The following PTPRM variants were observed in gnomAD, a reference collection of about 807,000 sequenced individuals.
PTPRM encodes the protein receptor-type tyrosine-protein phosphatase mu.
In PTPRM, 47 loss-of-function variants were observed where a neutral mutation model predicts 186.7. That is an observed-to-expected ratio of 0.25 (90% CI 0.20 to 0.32). The LOEUF is 0.32. Among genes scored for constraint, PTPRM ranks in the 10% least tolerant of loss-of-function variants. The pLI is 1.00. For missense variants in PTPRM, 1,494 were observed against 1,865.0 expected, an observed-to-expected ratio of 0.80 and a Z score of 3.66; for synonymous variants, 668 against 674.9, an observed-to-expected ratio of 0.99 and a Z score of 0.16.
chr18:7,735,489 G>T (rs1568063168), intron 1 of PTPRM, among the ~76,000 whole-genome samples: 1 of 152,052 alleles, frequency 6.6e-6, no homozygotes, highest in Non-Finnish European at 1.5e-5. Context: ...CATAGTCTTT[G>T]TACCAAATTC....
intron 14 of PTPRM, among the ~76,000 whole-genome samples, chr18:8,240,842 GA>G (rs369739295): frequency 0.25 from 29,986 of 120,180 alleles, 4,198 homozygotes; most frequent in African/African-American, 0.36. Flanking sequence ...AAGAAAGAAA[GA>G]AAAGAAAGAA....
intron 7 of PTPRM, among the ~76,000 whole-genome samples, chr18:8,054,662 A>C (rs1455166671): frequency 6.6e-6 from 1 of 151,968 alleles, no homozygotes. Context: ...TCGGCAGTCT[A>C]ATTCTGTATA....
chr18:8,146,186 G>A (rs970976283), intron 14 of PTPRM, among the ~76,000 whole-genome samples: 1 of 151,898 alleles, frequency 6.6e-6, no homozygotes, highest in African/African-American at 2.4e-5. Context: ...ATGCCACCAC[G>A]CTAATTTTTG....
intron 6 of PTPRM, among the ~76,000 whole-genome samples, chr18:7,954,005 G>A (rs927369749): frequency 6.6e-6 from 1 of 152,150 alleles, no homozygotes; most frequent in African/African-American, 2.4e-5. Context: ...CTAGATTTAT[G>A]TTTTTCTGAG....
chr18:8,279,844 C>T (rs551430754), intron 19 of PTPRM, among the ~76,000 whole-genome samples: 9 of 152,278 alleles, frequency 5.9e-5, no homozygotes, highest in East Asian at 1.9e-4. Context: ...CTTTCTGCTT[C>T]GTTTACTCCA....
intron 32 of PTPRM, among the ~76,000 whole-genome samples, chr18:8,400,647 C>T (rs879767150): frequency 2.3e-4 from 35 of 152,346 alleles, no homozygotes; most frequent in Admixed American, 7.8e-4. Context: ...CAGGCCCCAT[C>T]CTGATCTGCG....
chr18:8,037,154 G>T (rs1341908886), intron 7 of PTPRM, among the ~76,000 whole-genome samples: 1 of 152,092 alleles, frequency 6.6e-6, no homozygotes, highest in Non-Finnish European at 1.5e-5. Flanking sequence ...TATTTTTAGG[G>T]CTGTCTTCTC....
chr18:8,007,252 A>G (rs2084246124), intron 7 of PTPRM, among the ~76,000 whole-genome samples: 1 of 152,168 alleles, frequency 6.6e-6, no homozygotes, highest in Non-Finnish European at 1.5e-5. Flanking sequence ...CTACTAACAT[A>G]CGCTTCTCAA....
chr18:7,985,009 A>T (rs1254096487), intron 7 of PTPRM, among the ~76,000 whole-genome samples: 3 of 126,810 alleles, frequency 2.4e-5, no homozygotes, highest in Non-Finnish European at 4.6e-5. Flanking sequence ...AATTGTATAT[A>T]CATATAATTA....
Position 8,088,803 on chromosome 18 carries a change from C to A in PTPRM, c.1808C>A (p.Thr603Asn). The A allele has an allele frequency of 1.9e-6, 3 of 1,613,104 alleles. No homozygotes were observed. Among genetic ancestry groups the A allele is most frequent in the Non-Finnish European group, 2.5e-6 (3 of 1,179,318 alleles). Reference protein sequence around the residue: ...LETPLNQTDNTVTVMLKPAHS... With the variant: ...LETPLNQTDNNVTVMLKPAHS... ...ACACCTTTGAATCAAACTGACAATACCGTGACAGTCATGCTGAAACCTGCC... is the reference window on the plus strand; with the variant it reads ...ACACCTTTGAATCAAACTGACAATAACGTGACAGTCATGCTGAAACCTGCC... Residue 603 changes from threonine (T) to asparagine (N), a missense_variant, in exon 11 of 33, where the codon ACC becomes AAC. By Grantham distance (65) the Thr-to-Asn change is moderately conservative. Transcript: ENST00000580170.
chr18:7,748,700 G>A (rs1472405659), intron 1 of PTPRM, among the ~76,000 whole-genome samples: 1 of 152,182 alleles, frequency 6.6e-6, no homozygotes, highest in East Asian at 1.9e-4. Flanking sequence ...CAAAAGCCAA[G>A]TATAAATCCC....
chr18:8,314,894 T>C (rs2095297101), intron 21 of PTPRM, 37 bp downstream of exon 21: 3 of 1,328,668 alleles, frequency 2.3e-6, no homozygotes, highest in Non-Finnish European at 3.2e-6. Context: ...TATATAATTG[T>C]TGTACATATT....
At chr18:7,681,572 G>A (rs1283189791) in intron 1 of PTPRM, among the ~76,000 whole-genome samples, 1 of 151,136 alleles carries the variant, frequency 6.6e-6, no homozygotes, top group African/African-American at 2.4e-5. Context: ...AATTAAAGAG[G>A]TGTTAGATTC....
intron 7 of PTPRM, among the ~76,000 whole-genome samples, chr18:8,001,869 A>G (rs1226354718): frequency 6.6e-6 from 1 of 152,210 alleles, no homozygotes; most frequent in African/African-American, 2.4e-5. Flanking sequence ...TATTCTACCA[A>G]TGTTAAGACA....
At chr18:7,627,587 G>A (rs1376808200) in intron 1 of PTPRM, among the ~76,000 whole-genome samples, 3 of 152,176 alleles carry the variant, frequency 2.0e-5, no homozygotes, top group Non-Finnish European at 2.9e-5. Context: ...CTGCGGTGAG[G>A]CTCGGTTCAT....
chr18:7,851,782 C>T (rs2046873161), intron 2 of PTPRM, among the ~76,000 whole-genome samples: 1 of 152,042 alleles, frequency 6.6e-6, no homozygotes, highest in African/African-American at 2.4e-5. Flanking sequence ...AGGAGTATTG[C>T]TGGAGGTAAA....
chr18:8,230,145 C>T (rs567260540), intron 14 of PTPRM, among the ~76,000 whole-genome samples: 1 of 152,232 alleles, frequency 6.6e-6, no homozygotes, highest in Non-Finnish European at 1.5e-5. Flanking sequence ...TGATATAACC[C>T]CATGGTGTAA....
At chr18:7,653,470 C>T (rs2038772313) in intron 1 of PTPRM, among the ~76,000 whole-genome samples, 1 of 152,124 alleles carries the variant, frequency 6.6e-6, no homozygotes, top group Non-Finnish European at 1.5e-5. Context: ...CTCCTCCCAC[C>T]CTCTGCCCTC....
intron 2 of PTPRM, among the ~76,000 whole-genome samples, chr18:7,864,659 AGGATT>A (rs1297514038): frequency 6.6e-6 from 1 of 152,200 alleles, no homozygotes; most frequent in East Asian, 1.9e-4. Context: ...CTTTTTGCTT[AGGATT>A]GGCTTGGATA....
Sources: allele counts gnomAD v4.1 joint callset (sites outside exome capture counted in the v4.1 genomes callset), GRCh38; gene constraint gnomAD v4.1.1; transcripts MANE v1.5; gene names NCBI Gene and HGNC (gene_info 2026-07-23, HGNC 2026-07-21).